UNC79: variants seen among roughly 807,000 people sequenced by gnomAD.
The protein encoded by UNC79 is unc-79 subunit of NALCN channel complex.
In UNC79, 37 loss-of-function variants were observed where a neutral mutation model predicts 283.1. The ratio of observed to expected loss-of-function variants is 0.13; its 90% CI spans 0.10 to 0.17. UNC79 has a LOEUF of 0.17. Ranked by LOEUF, UNC79 falls within the 10% of genes least tolerant of loss-of-function variation. The pLI, the probability that UNC79 is intolerant of heterozygous loss-of-function variation, is 1.00. For synonymous variants in UNC79, 1,107 were observed against 1,200.2 expected (o/e 0.92, Z 1.61); for missense variants, 2,272 against 3,211.1 (o/e 0.71, Z 7.07).
intron 1 of UNC79, among the ~76,000 whole-genome samples, chr14:93,420,192 A>G (rs764721833): frequency 1.3e-5 from 2 of 150,622 alleles, no homozygotes; most frequent in East Asian, 1.9e-4. Context: ...AAAAAAAAAA[A>G]GACCCAATGA....
chr14:93,376,639 C>G (rs541744088), intron 1 of UNC79, among the ~76,000 whole-genome samples: 1 of 152,216 alleles, frequency 6.6e-6, no homozygotes, highest in South Asian at 2.1e-4. Flanking sequence ...CTCCAACCAG[C>G]AGCATGAGCA....
At chr14:93,357,958 T>C (rs1218471908) in intron 1 of UNC79, among the ~76,000 whole-genome samples, 3 of 132,352 alleles carry the variant, frequency 2.3e-5, no homozygotes, top group East Asian at 4.1e-4. Context: ...TATATATCTA[T>C]ATATATCCAT....
chr14:93,438,526 G>A (rs2056177218), intron 1 of UNC79, among the ~76,000 whole-genome samples: 1 of 152,118 alleles, frequency 6.6e-6, no homozygotes, highest in Non-Finnish European at 1.5e-5. Flanking sequence ...AATTGCTCCT[G>A]TGGTCATTAC....
chr14:93,408,929 A>G (rs1463275171), intron 1 of UNC79, among the ~76,000 whole-genome samples: 1 of 152,178 alleles, frequency 6.6e-6, no homozygotes, highest in Non-Finnish European at 1.5e-5. Flanking sequence ...ATAGAAGGAA[A>G]CTTCCTCAAC....
intron 1 of UNC79, among the ~76,000 whole-genome samples, chr14:93,403,743 C>T (rs892225573): frequency 2.0e-5 from 3 of 151,872 alleles, no homozygotes; most frequent in African/African-American, 7.3e-5. Flanking sequence ...CAAGAAGAAG[C>T]ACCAAAAAAT....
intron 1 of UNC79, among the ~76,000 whole-genome samples, chr14:93,398,189 A>G (rs995040912): frequency 6.6e-6 from 1 of 152,308 alleles, no homozygotes; most frequent in East Asian, 1.9e-4. Context: ...ATATTGAAGC[A>G]TAAGAGTTTA....
At chr14:93,655,459 C>T (rs1210518317) in intron 38 of UNC79, 52 bp downstream of exon 41, 1 of 1,588,900 alleles carries the variant, frequency 6.3e-7, no homozygotes, top group Non-Finnish European at 8.6e-7. Flanking sequence ...CATTTTCAGA[C>T]CGTTTATTTA....
chr14:93,575,070 T>A, exon 17 of UNC79: 1 of 1,612,060 alleles, frequency 6.2e-7, no homozygotes, highest in Non-Finnish European at 8.5e-7. Context: ...ATTATCGGAG[T>A]TAGATATCAT....
chr14:93,578,123 A>G lies in UNC79; in HGVS notation c.2433+60A>G. ...TGAAGAATGAGAGAAAGCGTTGTAC[A>G]GCAATTCTTTCCATGTGTTGGGCAT... is the stretch of plus-strand genomic sequence containing the variant. On this transcript the variant is annotated intron_variant, in intron 18 of 48. Transcript: ENST00000555664. The G allele has an allele frequency of 2.7e-6, 4 of 1,488,106 alleles. No homozygotes were observed. The South Asian group carries it at 4.9e-5, about 18-fold the overall frequency. 92.2% of individuals were successfully genotyped at this position (1,488,106 alleles called of 1,614,324 possible).
intron 1 of UNC79, among the ~76,000 whole-genome samples, chr14:93,346,529 G>A (rs1294853716): frequency 6.6e-6 from 1 of 152,160 alleles, no homozygotes; most frequent in African/African-American, 2.4e-5. Flanking sequence ...TTACATCACT[G>A]TTTCTACTGG....
chr14:93,514,250 G>A (rs2059958299), intron 7 of UNC79, among the ~76,000 whole-genome samples: 1 of 152,174 alleles, frequency 6.6e-6, no homozygotes, highest in Non-Finnish European at 1.5e-5. Context: ...AAAGGAAATA[G>A]ATATTATTAT....
intron 37 of UNC79, among the ~76,000 whole-genome samples, 154 bp downstream of exon 40, chr14:93,654,179 T>TA (rs1388715732): frequency 6.6e-6 from 1 of 151,998 alleles, no homozygotes; most frequent in Non-Finnish European, 1.5e-5. Flanking sequence ...ATTTTAAAAT[T>TA]AAAAAATATA....
chr14:93,659,479 GCCATGCCCCCCAATCCATCCC>G (rs1178988943), intron 39 of UNC79, among the ~76,000 whole-genome samples: 1 of 152,112 alleles, frequency 6.6e-6, no homozygotes, highest in Non-Finnish European at 1.5e-5. Flanking sequence ...CTAACCCTGG[GCCATGCCCCCCAATCCATCCC>G]CCATACTACT....
intron 18 of UNC79, among the ~76,000 whole-genome samples, chr14:93,578,812 T>C (rs963941958): frequency 6.6e-6 from 1 of 152,226 alleles, no homozygotes; most frequent in Non-Finnish European, 1.5e-5. Flanking sequence ...ATTGATATAA[T>C]AATAGTAATG....
chr14:93,637,930 G>A (rs565007177), intron 32 of UNC79, among the ~76,000 whole-genome samples: 2 of 152,264 alleles, frequency 1.3e-5, no homozygotes, highest in South Asian at 4.2e-4. Flanking sequence ...GAGGTCATAG[G>A]CTAATAGTTT....
chr14:93,391,497 T>C (rs566566111), intron 1 of UNC79, among the ~76,000 whole-genome samples: 1 of 152,280 alleles, frequency 6.6e-6, no homozygotes, highest in South Asian at 2.1e-4. Flanking sequence ...AAAATTAAGA[T>C]CTTCTCTTCA....
intron 1 of UNC79, among the ~76,000 whole-genome samples, chr14:93,407,441 G>C (rs142386621): frequency 1.3e-5 from 2 of 152,132 alleles, no homozygotes; most frequent in East Asian, 1.9e-4. Flanking sequence ...CTAGACTTGT[G>C]GGGAGGACAC....
chr14:93,478,658 T>C (rs2057940616), intron 4 of UNC79, among the ~76,000 whole-genome samples: 1 of 152,200 alleles, frequency 6.6e-6, no homozygotes, highest in Non-Finnish European at 1.5e-5. Context: ...ATGGTTAACT[T>C]GGAACATTGG....
At chr14:93,528,524 A>C (rs17094893) in intron 8 of UNC79, 34 bp from the exon 9 acceptor site, 2 of 1,591,598 alleles carry the variant, frequency 1.3e-6, no homozygotes, top group Non-Finnish European at 1.7e-6. Context: ...ACCCAGGAAC[A>C]GGAGAGTTCA....
Sources: allele counts gnomAD v4.1 joint callset (sites outside exome capture counted in the v4.1 genomes callset), GRCh38; gene constraint gnomAD v4.1.1; transcripts MANE v1.5; gene names NCBI Gene and HGNC (gene_info 2026-07-23, HGNC 2026-07-21).